PCDHA1: variants seen among roughly 807,000 people sequenced by gnomAD.
The protein encoded by PCDHA1 is protocadherin alpha-1.
PCDHA1 carries 42 observed loss-of-function variants against 61.3 expected under a neutral mutation model. That is an observed-to-expected ratio of 0.69 (90% confidence interval 0.54 to 0.89). PCDHA1 has a LOEUF of 0.89. Among genes scored for constraint, PCDHA1 ranks in the 40% least tolerant of loss-of-function variants. PCDHA1 has a pLI of 0.00. For synonymous variants in PCDHA1, 610 were observed against 553.8 expected (o/e 1.10, Z -1.43); for missense variants, 1,256 against 1,235.3 (o/e 1.02, Z -0.25).
Position 140,787,358 on chromosome 5 carries a change from T to C in PCDHA1, c.1068T>C (p.Tyr356=). The C allele has an allele frequency of 6.2e-7, 1 of 1,614,238 alleles. No homozygotes were observed. The highest frequency in any genetic ancestry group is 1.1e-5 in the South Asian group (1 of 91,088). ...NAPELAVTSL[Y]LPIREDAPLS... The stretch of plus-strand genomic sequence containing the variant: ...CAGAACTGGCGGTCACTTCATTGTA[T>C]TTGCCTATCAGAGAGGACGCTCCAC... The change falls in exon 1 of 4, where the codon TAT becomes TAC. Residue 356 remains tyrosine (Y), a synonymous_variant. Transcript: ENST00000504120.
chr5:140,788,981 G>A, intron 1 of PCDHA1: 1 of 438,436 alleles, frequency 2.3e-6, no homozygotes, highest in South Asian at 8.5e-5. Flanking sequence ...ATATCTCAAT[G>A]TAGTAAAATA....
intron 1 of PCDHA1, chr5:140,862,369 C>G: frequency 2.9e-6 from 1 of 341,442 alleles, no homozygotes; most frequent in South Asian, 2.3e-5. Flanking sequence ...CGACCCGCAC[C>G]CTGACTCCTC....
intron 1 of PCDHA1, chr5:140,827,959 T>C: frequency 7.6e-7 from 1 of 1,307,212 alleles, no homozygotes; most frequent in Non-Finnish European, 1.1e-6. Flanking sequence ...AAATTTCTTC[T>C]ATTACTGCAT....
rs141660057 is a variant in PCDHA1 at position 140,796,320 on chromosome 5, G to C, written c.2394+7636G>C. On this transcript the variant is annotated intron_variant, in intron 1 of 3. Coordinates refer to ENST00000504120, the MANE Select transcript of PCDHA1 (RefSeq NM_018900.4). Reference sequence around the variant, plus strand: ...AGGTGGCCGACGTGAACGACAACGCGCCGGCGTTCGCACAGCCTGAGTACA... The same window carrying C: ...AGGTGGCCGACGTGAACGACAACGCCCCGGCGTTCGCACAGCCTGAGTACA... 5.1e-5 allele frequency: 83 copies of C among 1,614,094 alleles called. No individual in the cohort carries two copies. The African/African-American group carries it at 9.2e-4, about 18-fold the overall frequency.
intron 1 of PCDHA1, among the ~76,000 whole-genome samples, chr5:140,889,687 T>C (rs1190333599): frequency 1.3e-5 from 2 of 152,198 alleles, no homozygotes; most frequent in African/African-American, 4.8e-5. Context: ...AACCTTTTAG[T>C]ATTATGGGCA....
At chr5:140,844,484 A>G (rs1442751127) in intron 1 of PCDHA1, among the ~76,000 whole-genome samples, 1 of 149,426 alleles carries the variant, frequency 6.7e-6, no homozygotes, top group Non-Finnish European at 1.5e-5. Context: ...CTCTATGTTT[A>G]GGAAATGATT....
intron 1 of PCDHA1, chr5:140,842,575 G>A (rs2150339697): frequency 6.6e-7 from 1 of 1,509,128 alleles, no homozygotes; most frequent in South Asian, 1.2e-5. Flanking sequence ...GCGAGAGAGT[G>A]TCGGCCTATG....
chr5:140,969,023 C>T lies in PCDHA1; in HGVS notation c.2395-9926C>T. ...CTTCTGTGGAGTAAGGGAAAGGTCC[C>T]CTGCAGAACTGTACAAACAAGCCAA... is the stretch of plus-strand genomic sequence containing the variant. On this transcript the variant is annotated intron_variant, in intron 1 of 3. Coordinates refer to ENST00000504120, the MANE Select transcript of PCDHA1 (RefSeq NM_018900.4). The T allele has an allele frequency of 3.1e-6, 5 of 1,614,124 alleles. No homozygotes were observed. In the Admixed American group the frequency reaches 5.0e-5, roughly 16 times the overall value.
At chr5:141,005,701 CAAAAAAAAAAAAAAAAAAAA>C (rs59860837) in intron 3 of PCDHA1, among the ~76,000 whole-genome samples, 1 of 7,786 alleles carries the variant, frequency 1.3e-4, no homozygotes, top group Admixed American at 1.6e-3. Flanking sequence ...AACTCCGTCT[CAAAAAAAAAAAAAAAAAAAA>C]AAAAAAAAAA....
At chr5:140,891,410 A>G (rs1381375342) in intron 1 of PCDHA1, among the ~76,000 whole-genome samples, 1 of 130,438 alleles carries the variant, frequency 7.7e-6, no homozygotes, top group East Asian at 2.5e-4. Context: ...GCCACCCCCC[A>G]CTCTTGCCCC....
intron 1 of PCDHA1, chr5:140,850,585 A>G (rs1253890726): frequency 6.3e-7 from 1 of 1,598,426 alleles, no homozygotes. Flanking sequence ...GTGGATGTCA[A>G]CGTGTACCTG....
rs371577720 is a variant in PCDHA1 at position 140,877,172 on chromosome 5, C to G, written c.2394+88488C>G. 239 of 1,613,700 alleles carry G rather than the reference C, an allele frequency of 1.5e-4. No homozygotes were observed. Among genetic ancestry groups the G allele is most frequent in the Non-Finnish European group, 1.9e-4 (229 of 1,179,846 alleles). On this transcript the variant is annotated intron_variant, in intron 1 of 3. Transcript: ENST00000504120. ...AACGACAACGCGCCGGCACTGCTGG[C>G]GACTCCGGCTGGCAGCGCAGGAGGC...
intron 1 of PCDHA1, chr5:140,823,713 T>G: frequency 6.2e-7 from 1 of 1,613,916 alleles, no homozygotes; most frequent in Admixed American, 1.7e-5. Flanking sequence ...GCCACCGCCT[T>G]CTGGTGCTGG....
chr5:140,903,339 A>T (rs1176958912), intron 1 of PCDHA1, among the ~76,000 whole-genome samples: 1 of 152,206 alleles, frequency 6.6e-6, no homozygotes, highest in African/African-American at 2.4e-5. Context: ...GAAAGGATGC[A>T]TTTTAAAAAA....
intron 1 of PCDHA1, chr5:140,803,530 C>G (rs560711675): frequency 6.2e-7 from 1 of 1,614,252 alleles, no homozygotes; most frequent in East Asian, 2.2e-5. Context: ...AGCCTTCCTC[C>G]TTGTCCAATT....
intron 1 of PCDHA1, chr5:140,969,615 G>A (rs1417453925): frequency 3.6e-5 from 26 of 714,726 alleles, no homozygotes; most frequent in Non-Finnish European, 5.5e-5. Flanking sequence ...ACACAGATTT[G>A]TAGAGAAACA....
intron 3 of PCDHA1, among the ~76,000 whole-genome samples, chr5:141,006,502 C>T (rs987435396): frequency 1.8e-4 from 28 of 152,118 alleles, no homozygotes; most frequent in African/African-American, 2.9e-4. Context: ...TGTGAGCCAC[C>T]GCGCCTGGCT....
At chr5:140,958,946 ATAT>A (rs34256413) in intron 1 of PCDHA1, among the ~76,000 whole-genome samples, 85,222 of 151,486 alleles carry the variant, frequency 0.56, 24,557 homozygotes, top group African/African-American at 0.69. Flanking sequence ...TAATAATATT[ATAT>A]TATTATAATT....
chr5:140,884,490 G>A (rs2060210547), intron 1 of PCDHA1: 1 of 1,614,064 alleles, frequency 6.2e-7, no homozygotes, highest in Non-Finnish European at 8.5e-7. Flanking sequence ...ACTCTAGTGT[G>A]CTCCAGCGCG....
Sources: allele counts gnomAD v4.1 joint callset (sites outside exome capture counted in the v4.1 genomes callset), GRCh38; gene constraint gnomAD v4.1.1; transcripts MANE v1.5; gene names NCBI Gene and HGNC (gene_info 2026-07-23, HGNC 2026-07-21).